TMEM260: variants seen among roughly 807,000 people sequenced by gnomAD.
TMEM260 encodes transmembrane protein 260.
In TMEM260, 82 loss-of-function variants were observed where a neutral mutation model predicts 88.9. That is an observed-to-expected ratio of 0.92 (90% CI 0.77 to 1.11). The LOEUF is 1.11. Ranked by LOEUF, TMEM260 falls within the 50% of genes least tolerant of loss-of-function variation. The pLI, the probability that TMEM260 is intolerant of heterozygous loss-of-function variation, is 0.00. For synonymous variants in TMEM260, 314 were observed against 309.3 expected (o/e 1.02, Z -0.16); for missense variants, 902 against 853.4 (o/e 1.06, Z -0.71).
intron 15 of TMEM260, among the ~76,000 whole-genome samples, chr14:56,645,802 A>G (rs1458633486): frequency 1.3e-5 from 2 of 152,200 alleles, no homozygotes; most frequent in Admixed American, 6.5e-5. Context: ...TTATCAGAGG[A>G]GGGCTCAGGA....
intron 13 of TMEM260, 147 bp from the exon 14 acceptor site, chr14:56,634,752 G>C (rs1487666134): frequency 6.2e-6 from 4 of 645,220 alleles, no homozygotes; most frequent in African/African-American, 5.5e-5. Context: ...GGGGGCAGGA[G>C]AATCACTTGA....
intron 3 of TMEM260, among the ~76,000 whole-genome samples, chr14:56,600,570 CAG>C (rs1218763309): frequency 6.6e-6 from 1 of 152,100 alleles, no homozygotes; most frequent in Non-Finnish European, 1.5e-5. Flanking sequence ...CCAATAAACA[CAG>C]AAAAAGATGC....
chr14:56,638,250 T>G (rs923730548), intron 15 of TMEM260: 1 of 151,844 alleles, frequency 6.6e-6, no homozygotes, highest in Non-Finnish European at 1.5e-5. Flanking sequence ...GAGGCCCAGC[T>G]TCTAGGCCCA....
intron 3 of TMEM260, among the ~76,000 whole-genome samples, chr14:56,595,706 A>G (rs534011045): frequency 9.2e-5 from 14 of 152,170 alleles, no homozygotes; most frequent in African/African-American, 2.9e-4. Context: ...CAGGCTAGTT[A>G]TGAACCCCCA....
chr14:56,653,350 G>T (rs534128325), downstream of TMEM260, among the ~76,000 whole-genome samples: 10 of 152,188 alleles, frequency 6.6e-5, no homozygotes, highest in African/African-American at 2.4e-4. Context: ...TGTATGTAAA[G>T]AAATTGATAA....
the TMEM260 span, among the ~76,000 whole-genome samples, chr14:56,660,419 A>G: frequency 6.6e-6 from 1 of 152,186 alleles, no homozygotes; most frequent in African/African-American, 2.4e-5. Flanking sequence ...ATTATTTCTT[A>G]CTTTTTTATC....
At chr14:56,584,095 A>G (rs1885327014) in intron 1 of TMEM260, among the ~76,000 whole-genome samples, 1 of 151,854 alleles carries the variant, frequency 6.6e-6, no homozygotes, top group South Asian at 2.1e-4. Context: ...GATGAATTGA[A>G]GTAGGATTGG....
At position 56,579,835 on chromosome 14, in the gene TMEM260, T is replaced by C; in HGVS notation, c.-80T>C. ...GCCGTGGCCGCCGCACAAGCTGCGC[T>C]CGTCTCTCGGCTGGGGAGCTCCGTG... On this transcript the variant is annotated 5_prime_UTR_variant, in exon 1 of 16. Coordinates refer to ENST00000261556, the MANE Select transcript of TMEM260 (RefSeq NM_017799.4). 2 of 1,198,638 alleles carry C rather than the reference T, an allele frequency of 1.7e-6. No homozygotes were observed. The highest frequency in any genetic ancestry group is 3.2e-4 in the Middle Eastern group (1 of 3,150). 74.3% of individuals were successfully genotyped at this position (1,198,638 alleles called of 1,614,324 possible). A position where few individuals can be genotyped will look rare whatever the true frequency, so the allele number is the denominator to read the frequency against.
At position 56,587,529 on chromosome 14, in the gene TMEM260, G is replaced by A. The variant is rs115022245; in HGVS notation, c.344+1617G>A. 4.3e-3 allele frequency among the ~76,000 whole-genome samples: 652 copies of A among 151,974 alleles called. 2 individuals are homozygous for A. Among genetic ancestry groups the A allele is most frequent in the African/African-American group, 0.015 (616 of 41,510 alleles). On this transcript the variant is annotated intron_variant, in intron 3 of 15. Transcript: ENST00000261556. ...TATAATGGTTTAGATTAGCACACTAGCCTGTAACGCTTTTCTTTTAATATG... is the reference window on the plus strand; with the variant it reads ...TATAATGGTTTAGATTAGCACACTAACCTGTAACGCTTTTCTTTTAATATG...
At chr14:56,598,244 A>G (rs1886366320) in intron 3 of TMEM260, among the ~76,000 whole-genome samples, 1 of 152,214 alleles carries the variant, frequency 6.6e-6, no homozygotes, top group Non-Finnish European at 1.5e-5. Context: ...ATTCAGAAAA[A>G]AAACACAGAA....
downstream of TMEM260, among the ~76,000 whole-genome samples, chr14:56,653,085 G>A (rs576996814): frequency 1.1e-4 from 17 of 152,234 alleles, no homozygotes; most frequent in East Asian, 3.3e-3. Context: ...CCTGAGATGA[G>A]GAGTTCAAGA....
rs1222519163 is a variant in TMEM260 at position 56,579,953 on chromosome 14, G to A, written c.39G>A (p.Gly13=). The A allele has an allele frequency of 1.4e-5, 17 of 1,239,130 alleles. No individual in the cohort carries two copies. The highest frequency in any genetic ancestry group is 1.7e-5 in the Non-Finnish European group (17 of 988,596). 76.8% of individuals were successfully genotyped at this position (1,239,130 alleles called of 1,614,324 possible). Residue 13 remains glycine, a synonymous_variant, in exon 1 of 16, where the codon GGG becomes GGA. Transcript: ENST00000261556. ...PHGDGRGQAQ[G]RAVRVGLRRS... is the part of the protein sequence containing the mutation. ...GCGACGGCAGGGGCCAGGCCCAGGG[G>A]CGGGCAGTCCGAGTGGGGCTGCGGC...
At chr14:56,634,374 T>G (rs1479638274) in intron 13 of TMEM260, among the ~76,000 whole-genome samples, 2 of 152,186 alleles carry the variant, frequency 1.3e-5, no homozygotes, top group Non-Finnish European at 2.9e-5. Context: ...TTTGCTCTCT[T>G]GAGGCATGGG....
intron 9 of TMEM260, 114 bp downstream of exon 9, chr14:56,617,411 T>G: frequency 1.6e-6 from 1 of 622,766 alleles, no homozygotes; most frequent in Non-Finnish European, 2.8e-6. Context: ...TAAAATTTTA[T>G]ATACATTTTT....
At chr14:56,638,929 C>T (rs76049443) in intron 15 of TMEM260, among the ~76,000 whole-genome samples, 1,628 of 152,000 alleles carry the variant, frequency 0.011, 30 homozygotes, top group African/African-American at 0.037. Context: ...TTCCACATAA[C>T]GAAGAATGAT....
intron 3 of TMEM260, among the ~76,000 whole-genome samples, chr14:56,586,703 G>A (rs901529665): frequency 6.6e-6 from 1 of 152,036 alleles, no homozygotes; most frequent in Non-Finnish European, 1.5e-5. Context: ...AATGATTTCT[G>A]TAGGTAAATA....
At chr14:56,588,234 G>A (rs543901807) in intron 3 of TMEM260, among the ~76,000 whole-genome samples, 5 of 152,116 alleles carry the variant, frequency 3.3e-5, no homozygotes, top group South Asian at 2.1e-4. Flanking sequence ...TACTGTACAC[G>A]TAGGATTAGT....
intron 6 of TMEM260, 53 bp downstream of exon 6, chr14:56,609,338 C>T: frequency 6.6e-7 from 1 of 1,522,038 alleles, no homozygotes; most frequent in Non-Finnish European, 9.1e-7. Flanking sequence ...AACTTCAGTG[C>T]TCTGCCTGGG....
chr14:56,653,177 T>TGGGCAAGCCC (rs1307161303), downstream of TMEM260, among the ~76,000 whole-genome samples: 1 of 151,796 alleles, frequency 6.6e-6, no homozygotes, highest in Non-Finnish European at 1.5e-5. Flanking sequence ...CTCTGGAGCC[T>TGGGCAAGCCC]GGGCAACAGA....
Sources: gnomAD v4.1 joint callset for allele counts (sites outside exome capture counted in the v4.1 genomes callset) on GRCh38, gnomAD v4.1.1 for gene constraint, MANE v1.5 for transcripts, NCBI Gene and HGNC (gene_info 2026-07-23, HGNC 2026-07-21) for gene names.